The following JMJD1C variants were observed in gnomAD, a reference collection of about 807,000 sequenced individuals.
JMJD1C encodes jumonji domain-containing protein 1C.
Under a neutral mutation model 245.3 loss-of-function variants are expected in JMJD1C, and 31 were observed. The observed-to-expected ratio is 0.13, with a 90% confidence interval of 0.09 to 0.17. The LOEUF is 0.17. JMJD1C is among the 10% of genes least tolerant of loss of function. JMJD1C has a pLI of 1.00. For missense variants in JMJD1C, 2,691 were observed against 3,000.2 expected, an observed-to-expected ratio of 0.90 and a Z score of 2.41; for synonymous variants, 1,057 against 1,017.4, an observed-to-expected ratio of 1.04 and a Z score of -0.74.
chr10:63,427,337 C>T, intron 1 of JMJD1C: 1 of 1,068,960 alleles, frequency 9.4e-7, no homozygotes, highest in Non-Finnish European at 1.3e-6. Flanking sequence ...CTCCAGAGTT[C>T]CTGGGACCAA....
chr10:63,230,960 CATAAT>C (rs1019152153), intron 3 of JMJD1C, among the ~76,000 whole-genome samples: 7 of 152,214 alleles, frequency 4.6e-5, no homozygotes, highest in South Asian at 2.1e-4. Flanking sequence ...CTGTACAACA[CATAAT>C]ATAATAAAAT....
chr10:63,505,690 A>G (rs1266293694), intron 1 of JMJD1C, among the ~76,000 whole-genome samples: 1 of 152,074 alleles, frequency 6.6e-6, no homozygotes, highest in East Asian at 1.9e-4. Flanking sequence ...GAAGCATCAC[A>G]GAAGATTTGA....
intron 1 of JMJD1C, among the ~76,000 whole-genome samples, chr10:63,516,388 T>G (rs1242610202): frequency 6.6e-6 from 1 of 152,228 alleles, no homozygotes; most frequent in Non-Finnish European, 1.5e-5. Context: ...AGAAATCTGT[T>G]GAAATTCTGC....
At chr10:63,493,796 G>A (rs1029166089) in intron 1 of JMJD1C, among the ~76,000 whole-genome samples, 3 of 152,000 alleles carry the variant, frequency 2.0e-5, no homozygotes, top group African/African-American at 7.3e-5. Flanking sequence ...ACAAATGGAG[G>A]GAATAAACTC....
At position 63,207,704 on chromosome 10, in the gene JMJD1C, T is replaced by C; in HGVS notation, c.3965A>G (p.Gln1322Arg). The C allele has an allele frequency of 1.2e-6, 2 of 1,614,216 alleles. No individual in the cohort carries two copies. The highest frequency in any genetic ancestry group is 1.3e-5 in the African/African-American group (1 of 75,068). ...STKTDSMPAM[Q>R]LASKDRVSER... ...ACTAACACGATCTTTAGAAGCTAAC[T>C]GCATTGCTGGCATACTATCAGTTTT... The change falls in exon 10 of 26, where the codon CAG (glutamine) becomes CGG (arginine). Residue 1322 changes from glutamine (Q) to arginine (R), a missense_variant. Transcript: ENST00000399262.
intron 1 of JMJD1C, chr10:63,427,281 C>A: frequency 2.7e-6 from 1 of 371,276 alleles, no homozygotes; most frequent in Non-Finnish European, 4.4e-6. Flanking sequence ...CTCTGGAGCC[C>A]ACTCCAGCCG....
chr10:63,469,781 A>G (rs1953432123), upstream of JMJD1C, among the ~76,000 whole-genome samples: 1 of 152,306 alleles, frequency 6.6e-6, no homozygotes, highest in East Asian at 1.9e-4. Flanking sequence ...GTCTTAGATT[A>G]TATATATAGA....
chr10:63,385,690 C>T (rs548998377), intron 1 of JMJD1C, among the ~76,000 whole-genome samples: 2 of 152,116 alleles, frequency 1.3e-5, no homozygotes, highest in East Asian at 3.9e-4. Flanking sequence ...AAGCAATCCT[C>T]TCACCTCAAC....
intron 1 of JMJD1C, among the ~76,000 whole-genome samples, chr10:63,420,603 G>A (rs545282304): frequency 6.6e-6 from 1 of 151,468 alleles, no homozygotes; most frequent in South Asian, 2.1e-4. Context: ...TACATGGGGG[G>A]TGGGGGGCGC....
intron 2 of JMJD1C, among the ~76,000 whole-genome samples, chr10:63,293,716 G>C (rs888562063): frequency 2.0e-5 from 3 of 152,028 alleles, no homozygotes; most frequent in African/African-American, 7.2e-5. Context: ...TCGTATTAAT[G>C]ATAACCTATA....
intron 1 of JMJD1C, among the ~76,000 whole-genome samples, chr10:63,511,725 A>AT (rs1954878117): frequency 1.3e-5 from 2 of 152,092 alleles, no homozygotes; most frequent in African/African-American, 2.4e-5. Flanking sequence ...TCAAAAAAAA[A>AT]AAAATATATA....
intron 1 of JMJD1C, among the ~76,000 whole-genome samples, chr10:63,506,576 A>G (rs1954723776): frequency 6.6e-6 from 1 of 152,186 alleles, no homozygotes; most frequent in Admixed American, 6.5e-5. Context: ...TATCCTTTGC[A>G]TATTTTTTCT....
intron 1 of JMJD1C, among the ~76,000 whole-genome samples, chr10:63,499,193 C>T (rs1275712258): frequency 1.3e-5 from 2 of 152,196 alleles, no homozygotes; most frequent in African/African-American, 4.8e-5. Flanking sequence ...GTGCTAATGT[C>T]TCTTCAAGAT....
At chr10:63,298,211 C>A (rs901383206) in intron 2 of JMJD1C, among the ~76,000 whole-genome samples, 2 of 152,192 alleles carry the variant, frequency 1.3e-5, no homozygotes, top group African/African-American at 4.8e-5. Context: ...GGCGTGAGAT[C>A]CAGGCCAGTA....
intron 1 of JMJD1C, among the ~76,000 whole-genome samples, chr10:63,421,334 C>CA (rs1429037342): frequency 3.3e-5 from 5 of 151,554 alleles, no homozygotes; most frequent in South Asian, 2.1e-4. Context: ...AACTCCGTCT[C>CA]AAAAAAAAGA....
At chr10:63,212,438 T>C (rs1401435124) in intron 8 of JMJD1C, among the ~76,000 whole-genome samples, 1 of 152,178 alleles carries the variant, frequency 6.6e-6, no homozygotes, top group East Asian at 1.9e-4. Context: ...GTGATATCAA[T>C]TTTTCCATTT....
At chr10:63,453,698 C>G (rs1952216967) in intron 1 of JMJD1C, among the ~76,000 whole-genome samples, 1 of 152,100 alleles carries the variant, frequency 6.6e-6, no homozygotes, top group Non-Finnish European at 1.5e-5. Context: ...CGGCAAGAGA[C>G]TAGGAAAAAA....
At chr10:63,391,126 T>C (rs1948018979) in intron 1 of JMJD1C, among the ~76,000 whole-genome samples, 2 of 152,170 alleles carry the variant, frequency 1.3e-5, no homozygotes, top group Non-Finnish European at 2.9e-5. Context: ...CTCATAGAAC[T>C]GATCAATTCA....
At position 63,416,481 on chromosome 10, in the gene JMJD1C, A is replaced by T. The variant is rs143752040; in HGVS notation, c.169-35999T>A. Among the ~76,000 whole-genome samples, 689 of 152,296 alleles carry T rather than the reference A, an allele frequency of 4.5e-3. 2 individuals carry two copies. Among genetic ancestry groups the T allele is most frequent in the Non-Finnish European group, 7.8e-3 (529 of 68,022 alleles). ...AGAGAGCATGTGATATTATAAAAAA[A>T]TAATTTAAACATTTCTTTGGCATGT... On this transcript the variant is annotated intron_variant, in intron 1 of 25. Transcript: ENST00000399262.
Sources: allele counts gnomAD v4.1 joint callset (sites outside exome capture counted in the v4.1 genomes callset), GRCh38; gene constraint gnomAD v4.1.1; transcripts MANE v1.5; gene names NCBI Gene and HGNC (gene_info 2026-07-23, HGNC 2026-07-21).